The following HEATR5A variants were observed in gnomAD, a reference collection of about 807,000 sequenced individuals.
The protein encoded by HEATR5A is HEAT repeat-containing protein 5A.
Under a neutral mutation model 218.8 loss-of-function variants are expected in HEATR5A, and 178 were observed. The ratio of observed to expected loss-of-function variants is 0.81; its 90% CI spans 0.72 to 0.92. The LOEUF is 0.92. Ranked by LOEUF, HEATR5A falls within the 40% of genes least tolerant of loss-of-function variation. The probability of loss-of-function intolerance (pLI) is 0.00; values close to 1 mark genes in which losing one functional copy is unlikely to be tolerated. For synonymous variants in HEATR5A, 864 were observed against 871.6 expected, an observed-to-expected ratio of 0.99 and a Z score of 0.15; for missense variants, 2,420 against 2,418.9, an observed-to-expected ratio of 1.00 and a Z score of -0.01.
Position 31,315,750 on chromosome 14 carries a change from AC to A in HEATR5A, c.4218+19del, listed in dbSNP as rs780056309. The A allele has an allele frequency of 1.3e-6, 2 of 1,534,352 alleles. No homozygotes were observed. Among genetic ancestry groups the A allele is most frequent in the East Asian group, 4.5e-5 (2 of 43,986 alleles). On this transcript the variant is annotated intron_variant, in intron 27 of 35. Coordinates refer to ENST00000543095, the MANE Select transcript of HEATR5A (RefSeq NM_015473.4). ...ATTAACAACTTCCAAAATTCCAGTT[AC>A]AAATTAAGAAATACCAACCTCTGCC...
Position 31,306,751 on chromosome 14 carries a change from T to G in HEATR5A, c.4947A>C (p.Glu1649Asp), listed in dbSNP as rs780243441. 1 of 1,610,468 alleles carries G rather than the reference T, an allele frequency of 6.2e-7. No homozygotes were observed. The highest frequency in any genetic ancestry group is 8.5e-7 in the Non-Finnish European group (1 of 1,177,978). The change falls in exon 31 of 36, where the codon GAA (glutamate) becomes GAC (aspartate). Residue 1649 changes from glutamate (E) to aspartate (D), a missense_variant. By Grantham distance (45) the Glu-to-Asp change is conservative (BLOSUM62 2). Coordinates refer to ENST00000543095, the MANE Select transcript of HEATR5A (RefSeq NM_015473.4). ...ATTTACCTTCTGCACTTCGTCTTTT[T>G]TCCTTCACATGTTCTTGAGCAGCAC... is the stretch of plus-strand genomic sequence containing the variant. Reference protein sequence around the residue: ...IICAAQEHVKEKRRSAEVDDG... With the variant: ...IICAAQEHVKDKRRSAEVDDG...
intron 29 of HEATR5A, among the ~76,000 whole-genome samples, chr14:31,308,461 C>A (rs868294102): frequency 6.7e-6 from 1 of 149,046 alleles, no homozygotes; most frequent in East Asian, 2.0e-4. Context: ...GAGCCGAGAT[C>A]GCTCCATTGC....
At chr14:31,404,712 G>A (rs2030994388) in intron 1 of HEATR5A, among the ~76,000 whole-genome samples, 1 of 151,852 alleles carries the variant, frequency 6.6e-6, no homozygotes, top group East Asian at 1.9e-4. Context: ...CCAGGAGTTC[G>A]AGACCAGCCT....
intron 13 of HEATR5A, among the ~76,000 whole-genome samples, chr14:31,369,605 T>C (rs1901943325): frequency 2.6e-5 from 1 of 38,554 alleles, no homozygotes; most frequent in Non-Finnish European, 5.2e-5. Context: ...AGCAAAACTG[T>C]CTCAAAAAAA....
intron 6 of HEATR5A, among the ~76,000 whole-genome samples, chr14:31,391,120 T>C (rs2139289747): frequency 6.6e-6 from 1 of 152,228 alleles, no homozygotes; most frequent in African/African-American, 2.4e-5. Context: ...ATAAAGAAAA[T>C]ATTTTTGTAG....
At chr14:31,373,755 C>T (rs1023611234) in intron 12 of HEATR5A, among the ~76,000 whole-genome samples, 20 of 152,074 alleles carry the variant, frequency 1.3e-4, no homozygotes, top group African/African-American at 4.8e-4. Flanking sequence ...CAACAGATGC[C>T]ACACCGAGTG....
chr14:31,337,376 CAT>C lies in HEATR5A; in HGVS notation c.3367+98_3367+99del, dbSNP rs1900703530. 5.6e-6 allele frequency: 5 copies of C among 897,532 alleles called. No homozygotes were observed. The Admixed American group carries it at 1.3e-4, about 24-fold the overall frequency. The allele number at this position is 897,532 out of a possible 1,614,324, so 55.6% of individuals were successfully genotyped here. ...ATTCTTTCTTGTAGCAGGTTTAAGA[CAT>C]ATTAACTTTTAAACTGTTTCAAAAC... On this transcript the variant is annotated intron_variant, in intron 22 of 35. Coordinates refer to ENST00000543095, the MANE Select transcript of HEATR5A (RefSeq NM_015473.4).
intron 18 of HEATR5A, 40 bp from the exon 19 acceptor site, chr14:31,347,947 A>G: frequency 6.2e-6 from 8 of 1,294,312 alleles, no homozygotes; most frequent in Non-Finnish European, 8.1e-6. Flanking sequence ...AATCACTGCA[A>G]AAGAAAAAAA....
At chr14:31,394,283 G>A in intron 5 of HEATR5A, 57 bp from the exon 6 acceptor site, 1 of 1,134,150 alleles carries the variant, frequency 8.8e-7, no homozygotes, top group Non-Finnish European at 1.2e-6. Context: ...GTCAGGTTCA[G>A]AGCTATGTAA....
At chr14:31,371,131 G>A (rs1267501084) in intron 13 of HEATR5A, among the ~76,000 whole-genome samples, 1 of 152,094 alleles carries the variant, frequency 6.6e-6, no homozygotes, top group African/African-American at 2.4e-5. Context: ...TATTATCCGT[G>A]ACTGCTTTTG....
At chr14:31,321,446 A>C in intron 25 of HEATR5A, 53 bp downstream of exon 25, 1 of 1,411,634 alleles carries the variant, frequency 7.1e-7, no homozygotes, top group South Asian at 1.4e-5. Flanking sequence ...CTGGCCTCAT[A>C]GACTTTTTAT....
chr14:31,311,192 G>A lies in HEATR5A; in HGVS notation c.4441+1776C>T, dbSNP rs549229083. On this transcript the variant is annotated intron_variant, in intron 28 of 35. Coordinates refer to ENST00000543095, the MANE Select transcript of HEATR5A (RefSeq NM_015473.4). ...GAATAACATGAAGAAGATTAAGAGC[G>A]GCTACAAAGTAACCAACCCATAAAA... 1.1e-4 allele frequency among the ~76,000 whole-genome samples: 17 copies of A among 152,094 alleles called. 1 individual carries two copies. In the East Asian group the frequency reaches 2.7e-3, roughly 24 times the overall value.
At chr14:31,346,833 C>G (rs919586803) in intron 19 of HEATR5A, among the ~76,000 whole-genome samples, 2 of 152,062 alleles carry the variant, frequency 1.3e-5, no homozygotes, top group African/African-American at 4.8e-5. Context: ...ATAAGGGAGA[C>G]AGATAAGACG....
intron 27 of HEATR5A, among the ~76,000 whole-genome samples, chr14:31,314,262 A>C (rs1452762758): frequency 7.0e-6 from 1 of 142,594 alleles, no homozygotes; most frequent in Non-Finnish European, 1.5e-5. Context: ...TTATTTATTT[A>C]TTTTCTTTTC....
chr14:31,344,080 A>G lies in HEATR5A; in HGVS notation c.3059-15T>C. The stretch of plus-strand genomic sequence containing the variant: ...AGTACTGTTACCTAAAATAAAAAGC[A>G]GAAAGCTTTTAATAATTGGCCTATA... On this transcript the variant is annotated splice_polypyrimidine_tract_variant and intron_variant, in intron 20 of 35. Coordinates refer to ENST00000543095, the MANE Select transcript of HEATR5A (RefSeq NM_015473.4). 1 of 1,442,698 alleles carries G rather than the reference A, an allele frequency of 6.9e-7. No individual in the cohort carries two copies. Among genetic ancestry groups the G allele is most frequent in the Non-Finnish European group, 9.2e-7 (1 of 1,083,434 alleles). The allele number at this position is 1,442,698 out of a possible 1,614,324, so 89.4% of individuals were successfully genotyped here.
Position 31,293,490 on chromosome 14 carries a change from G to C in HEATR5A, c.5956C>G (p.Gln1986Glu). The C allele has an allele frequency of 6.2e-7, 1 of 1,613,906 alleles. No homozygotes were observed. Among genetic ancestry groups the C allele is most frequent in the Non-Finnish European group, 8.5e-7 (1 of 1,179,826 alleles). Residue 1986 changes from glutamine (Q) to glutamate (E), a missense_variant, in exon 36 of 36, where the codon CAA becomes GAA. Gln to Glu is a conservative substitution (Grantham distance 29). Transcript: ENST00000543095. ...LHDFALQNLMQIGPQYSSVFK... is the reference protein window; with the variant it reads ...LHDFALQNLMEIGPQYSSVFK... ...ACAGATGAATACTGAGGTCCAATTT[G>C]CATGAGATTTTGTAGAGCAAAGTCA...
chr14:31,327,255 G>A (rs140630638), intron 22 of HEATR5A, among the ~76,000 whole-genome samples: 1,479 of 141,678 alleles, frequency 0.01, 23 homozygotes, highest in African/African-American at 0.037. Flanking sequence ...GATTATAGGC[G>A]TTGAGCCACA....
chr14:31,313,118 C>A lies in HEATR5A; in HGVS notation c.4291G>T (p.Gly1431Cys). ...GATGAACATGATCCATTTCTGATAC[C>A]GTCTTCTAAACAGGTGGTAGTCTTC... ...PLKTTTCLEDGIRNGSCSSDG... is the reference protein window; with the variant it reads ...PLKTTTCLEDCIRNGSCSSDG... The change falls in exon 28 of 36, where the codon GGT (glycine) becomes TGT (cysteine). Residue 1431 changes from glycine (G) to cysteine (C), a missense_variant. Transcript: ENST00000543095. The A allele has an allele frequency of 1.2e-6, 2 of 1,613,802 alleles. No individual in the cohort carries two copies. The highest frequency in any genetic ancestry group is 1.1e-5 in the South Asian group (1 of 91,078).
intron 25 of HEATR5A, among the ~76,000 whole-genome samples, chr14:31,321,272 C>T (rs1298857759): frequency 2.6e-5 from 4 of 152,052 alleles, no homozygotes; most frequent in Non-Finnish European, 4.4e-5. Flanking sequence ...GATTCTCCCA[C>T]CTCAGCCTGA....
Sources: allele counts gnomAD v4.1 joint callset (sites outside exome capture counted in the v4.1 genomes callset), GRCh38; gene constraint gnomAD v4.1.1; transcripts MANE v1.5; gene names NCBI Gene and HGNC (gene_info 2026-07-23, HGNC 2026-07-21).